Variants in L3HYPDH observed in about 807,000 individuals in gnomAD.
L3HYPDH encodes the protein trans-L-3-hydroxyproline dehydratase.
L3HYPDH carries 32 observed loss-of-function variants against 26.5 expected under a neutral mutation model. The observed-to-expected ratio is 1.21, with a 90% confidence interval of 0.91 to 1.62. The LOEUF is 1.62. Among genes scored for constraint, L3HYPDH ranks in the 40% most tolerant of loss-of-function variants. The pLI, the probability that L3HYPDH is intolerant of heterozygous loss-of-function variation, is 0.00. For missense variants in L3HYPDH, 554 were observed against 476.4 expected (o/e 1.16, Z -1.52); for synonymous variants, 215 against 196.6 (o/e 1.09, Z -0.78).
chr14:59,484,404 A>T lies in L3HYPDH; in HGVS notation c.-88T>A, dbSNP rs1890333502. 6 of 1,438,376 alleles carry T rather than the reference A, an allele frequency of 4.2e-6. No individual in the cohort carries two copies. The highest frequency in any genetic ancestry group is 5.7e-6 in the Non-Finnish European group (6 of 1,060,854). The allele number at this position is 1,438,376 out of a possible 1,614,324, so 89.1% of individuals were successfully genotyped here. On this transcript the variant is annotated 5_prime_UTR_variant, in exon 1 of 5. Transcript: ENST00000247194. ...ACTGACTCCGCGGGAGGAGGGCGGG[A>T]CGCTAACCAGCCACGTCCGGGGGGC...
At chr14:59,500,530 A>G in the L3HYPDH span, among the ~76,000 whole-genome samples, 1 of 152,232 alleles carries the variant, frequency 6.6e-6, no homozygotes, top group Non-Finnish European at 1.5e-5. Context: ...GAATTTTGAT[A>G]TTAAGAATAC....
chr14:59,470,144 G>A (rs1391292842), downstream of L3HYPDH, among the ~76,000 whole-genome samples: 6 of 152,126 alleles, frequency 3.9e-5, no homozygotes, highest in African/African-American at 1.4e-4. Context: ...TTACCTCCAG[G>A]TGGAGAGCTA....
At chr14:59,471,642 T>C (rs1349494353), downstream of L3HYPDH, among the ~76,000 whole-genome samples, 1 of 152,220 alleles carries the variant, frequency 6.6e-6, no homozygotes, top group Admixed American at 6.5e-5. Flanking sequence ...GGCCATGGAA[T>C]CATGCATTTC....
chr14:59,484,455 G>A, upstream of L3HYPDH: 1 of 1,380,114 alleles, frequency 7.2e-7, no homozygotes, highest in Non-Finnish European at 9.9e-7. Flanking sequence ...AAACCCGGAA[G>A]CGAGGGAGGA....
At chr14:59,503,742 A>C in the L3HYPDH span, 2 of 162,774 alleles carry the variant, frequency 1.2e-5, no homozygotes, top group Non-Finnish European at 2.4e-5. Context: ...CAAACATTTT[A>C]TGATTCTGAG....
At chr14:59,468,226 A>T (rs1006163534), downstream of L3HYPDH, among the ~76,000 whole-genome samples, 6 of 152,048 alleles carry the variant, frequency 3.9e-5, no homozygotes, top group African/African-American at 1.4e-4. Flanking sequence ...TGTCTCTTTT[A>T]AAAAAAATCC....
downstream of L3HYPDH, among the ~76,000 whole-genome samples, chr14:59,472,131 A>G (rs988011771): frequency 6.6e-6 from 1 of 152,230 alleles, no homozygotes; most frequent in African/African-American, 2.4e-5. Context: ...GAATATTTTA[A>G]TGCTTCAGCT....
intron 2 of L3HYPDH, among the ~76,000 whole-genome samples, 174 bp from the exon 3 acceptor site, chr14:59,476,388 CAT>C (rs1889632920): frequency 6.6e-6 from 1 of 152,140 alleles, no homozygotes; most frequent in African/African-American, 2.4e-5. Context: ...GATGAAGAAA[CAT>C]AGTTTTACTG....
At chr14:59,484,636 C>T, upstream of L3HYPDH, 1 of 1,570,062 alleles carries the variant, frequency 6.4e-7, no homozygotes, top group South Asian at 1.2e-5. Context: ...CTGGTAGTCC[C>T]GACTACTTTC....
the L3HYPDH span, among the ~76,000 whole-genome samples, chr14:59,492,317 C>T: frequency 6.6e-6 from 1 of 152,006 alleles, no homozygotes. Context: ...GAAAAAAATG[C>T]ATAGAAATAA....
chr14:59,485,035 G>C (rs940435646), upstream of L3HYPDH: 6 of 1,597,966 alleles, frequency 3.8e-6, no homozygotes, highest in Non-Finnish European at 5.1e-6. Context: ...CAAAAAAATG[G>C]AATCTTAAAA....
At chr14:59,468,129 T>A (rs925513909), downstream of L3HYPDH, among the ~76,000 whole-genome samples, 3 of 152,242 alleles carry the variant, frequency 2.0e-5, no homozygotes, top group Non-Finnish European at 2.9e-5. Context: ...GGCATGTGCC[T>A]GTAGTCCCAG....
intron 1 of L3HYPDH, among the ~76,000 whole-genome samples, chr14:59,481,914 C>T (rs1427682365): frequency 1.3e-5 from 2 of 152,170 alleles, no homozygotes; most frequent in East Asian, 1.9e-4. Context: ...ATGGGGAGTT[C>T]CTGGCACAGA....
upstream of L3HYPDH, chr14:59,484,670 G>A (rs1177140976): frequency 6.6e-7 from 1 of 1,510,092 alleles, no homozygotes; most frequent in African/African-American, 1.4e-5. Flanking sequence ...CTCGGGCTCG[G>A]CTCTTTGTAG....
chr14:59,474,235 C>T (rs1889467369), intron 4 of L3HYPDH, among the ~76,000 whole-genome samples: 1 of 152,104 alleles, frequency 6.6e-6, no homozygotes, highest in Non-Finnish European at 1.5e-5. Context: ...AAGCAGGTAT[C>T]CCTGAGAACC....
the L3HYPDH span, among the ~76,000 whole-genome samples, chr14:59,500,125 T>A: frequency 6.6e-6 from 1 of 152,218 alleles, no homozygotes; most frequent in South Asian, 2.1e-4. Context: ...TTTAGCTACT[T>A]ATAAGTTAAG....
upstream of L3HYPDH, chr14:59,484,652 C>G: frequency 6.5e-7 from 1 of 1,549,606 alleles, no homozygotes; most frequent in Non-Finnish European, 8.8e-7. Context: ...CTTTCCTACA[C>G]GGCTGGCCTC....
the L3HYPDH span, among the ~76,000 whole-genome samples, chr14:59,501,648 C>T: frequency 1.3e-5 from 2 of 152,268 alleles, no homozygotes; most frequent in African/African-American, 4.8e-5. Context: ...ACAATGGCAA[C>T]ATTAATAGTC....
At chr14:59,503,543 G>A in the L3HYPDH span, among the ~76,000 whole-genome samples, 80,272 of 151,606 alleles carry the variant, frequency 0.53, 22,649 homozygotes, top group East Asian at 0.81. Flanking sequence ...CTTCTAGTTC[G>A]TATCTTTGAG....
Sources: gnomAD v4.1 joint callset for allele counts (sites outside exome capture counted in the v4.1 genomes callset) on GRCh38, gnomAD v4.1.1 for gene constraint, MANE v1.5 for transcripts, NCBI Gene and HGNC (gene_info 2026-07-23, HGNC 2026-07-21) for gene names.